Variants in UNC80 observed in about 807,000 individuals in gnomAD.
The protein encoded by UNC80 is unc-80 subunit of NALCN channel complex.
A neutral mutation model predicts 384.6 loss-of-function variants in UNC80; 164 were observed. That is an observed-to-expected ratio of 0.43 (90% CI 0.38 to 0.49). The LOEUF (loss-of-function observed/expected upper bound fraction) is 0.49. Among genes scored for constraint, UNC80 ranks in the 20% least tolerant of loss-of-function variants. UNC80 has a pLI of 0.00. For missense variants in UNC80, 3,330 were observed against 4,143.0 expected (o/e 0.80, Z 5.39); for synonymous variants, 1,486 against 1,527.8 (o/e 0.97, Z 0.64).
At chr2:209,895,233 T>C (rs2086694440) in intron 27 of UNC80, among the ~76,000 whole-genome samples, 1 of 152,198 alleles carries the variant, frequency 6.6e-6, no homozygotes, top group South Asian at 2.1e-4. Flanking sequence ...CATTAAATAT[T>C]AGGTAAAAGT....
chr2:209,910,005 A>G (rs2088724147), intron 29 of UNC80, among the ~76,000 whole-genome samples: 1 of 151,758 alleles, frequency 6.6e-6, no homozygotes, highest in Admixed American at 6.5e-5. Context: ...GGCATCTACT[A>G]GTGGTCCTTT....
At chr2:209,953,976 T>A in intron 47 of UNC80, 124 bp from the exon 48 acceptor site, 1 of 1,061,724 alleles carries the variant, frequency 9.4e-7, no homozygotes, top group Non-Finnish European at 1.3e-6. Flanking sequence ...TGATTAGGAG[T>A]GGCAAGGGGC....
At chr2:209,966,354 G>GT (rs2092741921) in intron 51 of UNC80, among the ~76,000 whole-genome samples, 1 of 152,160 alleles carries the variant, frequency 6.6e-6, no homozygotes, top group Non-Finnish European at 1.5e-5. Flanking sequence ...CAGAATAGTT[G>GT]TAAGATATTT....
intron 22 of UNC80, among the ~76,000 whole-genome samples, chr2:209,857,725 A>AACTTTAACT (rs1457396452): frequency 6.6e-6 from 1 of 152,148 alleles, no homozygotes; most frequent in African/African-American, 2.4e-5. Context: ...TTAACTGCAT[A>AACTTTAACT]CCATAAATTT....
At chr2:209,794,735 T>C in intron 7 of UNC80, 1 of 450,988 alleles carries the variant, frequency 2.2e-6, no homozygotes. Flanking sequence ...ATCTGATGGG[T>C]TTATCAGGGG....
intron 29 of UNC80, among the ~76,000 whole-genome samples, chr2:209,911,785 A>G (rs1028890105): frequency 3.9e-5 from 6 of 152,184 alleles, no homozygotes; most frequent in Non-Finnish European, 8.8e-5. Flanking sequence ...AGGACTCTGG[A>G]TAAATAAGCC....
At chr2:209,860,183 A>G (rs1040662625) in intron 22 of UNC80, among the ~76,000 whole-genome samples, 2 of 152,142 alleles carry the variant, frequency 1.3e-5, no homozygotes, top group African/African-American at 4.8e-5. Flanking sequence ...TAAGTCTTTA[A>G]TCCATCTCGA....
intron 15 of UNC80, 113 bp downstream of exon 15, chr2:209,829,492 G>A: frequency 8.9e-7 from 1 of 1,120,556 alleles, no homozygotes; most frequent in Middle Eastern, 2.0e-4. Flanking sequence ...AGATACGTAT[G>A]TGTCCATGCA....
At chr2:209,966,405 C>G (rs1412985197) in intron 51 of UNC80, among the ~76,000 whole-genome samples, 1 of 152,104 alleles carries the variant, frequency 6.6e-6, no homozygotes. Context: ...TTATCTTGTA[C>G]ACATTCTGCA....
chr2:209,786,092 C>T lies in UNC80; in HGVS notation c.627C>T (p.Ala209=), dbSNP rs1231064948. Residue 209 remains alanine, a synonymous_variant, in exon 5 of 65, where the codon GCC becomes GCT. Coordinates refer to ENST00000673920, the MANE Select transcript of UNC80 (RefSeq NM_001371986.1). The part of the protein sequence containing the change: ...IKESDLTFRL[A]SGLVIWQPMW... ...AATCTGACCTCACCTTCCGTCTGGC[C>T]AGTGGGCTTGTTATATGGCAGCCCA... is the stretch of plus-strand genomic sequence containing the variant. 6.2e-6 allele frequency: 10 copies of T among 1,613,908 alleles called. No individual in the cohort carries two copies. Among genetic ancestry groups the T allele is most frequent in the African/African-American group, 1.3e-5 (1 of 74,912 alleles).
chr2:209,989,041 C>T (rs1241828337), intron 61 of UNC80, among the ~76,000 whole-genome samples: 5 of 151,830 alleles, frequency 3.3e-5, no homozygotes, highest in South Asian at 2.1e-4. Context: ...GACTGGGCAC[C>T]GTGGCTCATG....
intron 38 of UNC80, 118 bp downstream of exon 38, chr2:209,931,172 A>C (rs2090833069): frequency 2.9e-6 from 2 of 698,892 alleles, no homozygotes; most frequent in East Asian, 5.6e-5. Flanking sequence ...CTGGTCAACT[A>C]AATTCTGTGT....
chr2:209,990,315 G>C (rs2093369073), intron 61 of UNC80, among the ~76,000 whole-genome samples: 2 of 151,966 alleles, frequency 1.3e-5, no homozygotes, highest in African/African-American at 4.8e-5. Flanking sequence ...TTTATTACCT[G>C]CTTCCTTTTA....
chr2:209,873,099 ACTTTGGG>A, intron 23 of UNC80, 129 bp downstream of exon 23: 4 of 826,088 alleles, frequency 4.8e-6, no homozygotes, highest in Admixed American at 5.5e-5. Context: ...TGAAGGAAAC[ACTTTGGG>A]AAAAAATAAG....
chr2:209,888,229 C>G lies in UNC80; in HGVS notation c.4245C>G (p.Leu1415=). 4 of 1,551,664 alleles carry G rather than the reference C, an allele frequency of 2.6e-6. No homozygotes were observed. Among genetic ancestry groups the G allele is most frequent in the African/African-American group, 1.4e-5 (1 of 73,162 alleles). ...KDSLHSSSHT[L]KSDAGVEEKK... is the part of the protein sequence containing the mutation. ...CTCTCCACAGCAGCAGCCACACTCT[C>G]AAATCAGATGCAGGAGTCGAGGAGA... Residue 1415 remains leucine (L), a synonymous_variant, in exon 26 of 65, where the codon CTC becomes CTG. Transcript: ENST00000673920.
At position 209,858,203 on chromosome 2, in the gene UNC80, T is replaced by C. The variant is rs554992059; in HGVS notation, c.3627+8580T>C. On this transcript the variant is annotated intron_variant, in intron 22 of 64. Transcript: ENST00000673920. The stretch of plus-strand genomic sequence containing the variant: ...TTGGAAGCAAACAGGTTTAGAAATA[T>C]TACGATTTCTAATGATTTGAACCAT... 3.9e-5 allele frequency among the ~76,000 whole-genome samples: 6 copies of C among 152,302 alleles called. No homozygotes were observed. In the South Asian group the frequency reaches 1.0e-3, roughly 26 times the overall value.
At chr2:209,982,469 T>C in intron 60 of UNC80, 152 bp downstream of exon 60, 4 of 991,914 alleles carry the variant, frequency 4.0e-6, no homozygotes, top group Non-Finnish European at 5.4e-6. Flanking sequence ...GTCAACTAGG[T>C]TCCTGCAGGC....
At chr2:209,930,419 A>T (rs1438221139) in intron 37 of UNC80, among the ~76,000 whole-genome samples, 2 of 152,162 alleles carry the variant, frequency 1.3e-5, no homozygotes, top group African/African-American at 2.4e-5. Flanking sequence ...ATGATTAAAA[A>T]TTATTTGTTC....
intron 7 of UNC80, among the ~76,000 whole-genome samples, chr2:209,812,317 C>T (rs1391649395): frequency 2.0e-5 from 3 of 151,902 alleles, no homozygotes; most frequent in African/African-American, 7.3e-5. Flanking sequence ...GCCTCGGCCT[C>T]CCAAAGTGCT....
Sources: allele counts gnomAD v4.1 joint callset (sites outside exome capture counted in the v4.1 genomes callset), GRCh38; gene constraint gnomAD v4.1.1; transcripts MANE v1.5; gene names NCBI Gene and HGNC (gene_info 2026-07-23, HGNC 2026-07-21).